PUM2: variants seen among roughly 807,000 people sequenced by gnomAD.
PUM2 encodes pumilio homolog 2.
Under a neutral mutation model 124.5 loss-of-function variants are expected in PUM2, and 57 were observed. That is an observed-to-expected ratio of 0.46 (90% CI 0.37 to 0.57). The LOEUF (loss-of-function observed/expected upper bound fraction) is 0.57, where lower values mean the gene tolerates loss of function less well. Ranked by LOEUF, PUM2 falls within the 20% of genes least tolerant of loss-of-function variation. PUM2 has a pLI of 0.00. For missense variants in PUM2, 1,065 were observed against 1,290.6 expected (o/e 0.83, Z 2.68); for synonymous variants, 460 against 446.1 (o/e 1.03, Z -0.39).
chr2:20,331,745 A>C (rs1317980460), intron 1 of PUM2: 3 of 152,196 alleles, frequency 2.0e-5, no homozygotes, highest in Non-Finnish European at 2.9e-5. Flanking sequence ...GGTTTTTATC[A>C]GTGGTCCAAA....
intron 1 of PUM2, among the ~76,000 whole-genome samples, chr2:20,335,170 C>T (rs1685738406): frequency 6.6e-6 from 1 of 152,230 alleles, no homozygotes; most frequent in South Asian, 2.1e-4. Flanking sequence ...AGCAGCCCTC[C>T]TGCCTCAGCC....
At position 20,348,166 on chromosome 2, in the gene PUM2, TTAA is replaced by T. The variant is rs563552054; in HGVS notation, c.-19+2428_-19+2430del. ...AGCAAGACCTCACCTATATTAAAAA[TTAA>T]TAATAATAATAATAATAATAAAGAA... On this transcript the variant is annotated intron_variant, in intron 1 of 20. Transcript: ENST00000361078. Among the ~76,000 whole-genome samples the T allele has an allele frequency of 1.0e-3, 151 of 150,102 alleles. No individual in the cohort carries two copies. In the South Asian group the frequency reaches 0.01, roughly 10 times the overall value.
intron 1 of PUM2, chr2:20,331,890 T>C (rs913223786): frequency 1.3e-5 from 2 of 152,234 alleles, no homozygotes; most frequent in Non-Finnish European, 2.9e-5. Flanking sequence ...GCAGGCCATA[T>C]GATCTCTGCT....
At chr2:20,325,448 CT>C (rs950378117) in intron 2 of PUM2, among the ~76,000 whole-genome samples, 1 of 152,138 alleles carries the variant, frequency 6.6e-6, no homozygotes, top group African/African-American at 2.4e-5. Context: ...TAACTAAACC[CT>C]TTCAACCACT....
intron 13 of PUM2, among the ~76,000 whole-genome samples, chr2:20,274,080 T>C (rs184129907): frequency 7.5e-4 from 115 of 152,318 alleles, no homozygotes; most frequent in African/African-American, 2.5e-3. Flanking sequence ...CTAGCCTTAA[T>C]TCTGTTATTC....
At chr2:20,266,089 A>G (rs1558502919) in intron 13 of PUM2, among the ~76,000 whole-genome samples, 1 of 152,170 alleles carries the variant, frequency 6.6e-6, no homozygotes, top group Admixed American at 6.5e-5. Flanking sequence ...ACTGCCTTGA[A>G]TTTTAAAAAA....
chr2:20,286,475 A>G (rs1372600443), intron 10 of PUM2, among the ~76,000 whole-genome samples: 1 of 152,208 alleles, frequency 6.6e-6, no homozygotes, highest in Admixed American at 6.5e-5. Flanking sequence ...ATTTACTAAC[A>G]TGAGATTGTT....
chr2:20,290,074 A>T (rs1194901228), intron 10 of PUM2, among the ~76,000 whole-genome samples: 2 of 152,230 alleles, frequency 1.3e-5, no homozygotes, highest in African/African-American at 4.8e-5. Context: ...ACAAAAAAGT[A>T]CTTTGTTGCC....
intron 15 of PUM2, among the ~76,000 whole-genome samples, chr2:20,259,616 T>C (rs1665682477): frequency 6.6e-6 from 1 of 152,230 alleles, no homozygotes; most frequent in Non-Finnish European, 1.5e-5. Flanking sequence ...CAGAACGTCA[T>C]TCCTTTTTAT....
At chr2:20,344,515 C>T (rs759561829) in intron 1 of PUM2, among the ~76,000 whole-genome samples, 1 of 152,158 alleles carries the variant, frequency 6.6e-6, no homozygotes, top group South Asian at 2.1e-4. Flanking sequence ...AGATAAAGGA[C>T]TTCAATCTGG....
At chr2:20,350,905 C>T (rs910523444), upstream of PUM2, 11 of 543,704 alleles carry the variant, frequency 2.0e-5, no homozygotes, top group Non-Finnish European at 2.6e-5. Flanking sequence ...GGAGCGCTCA[C>T]CAAGGCGCGG....
intron 2 of PUM2, among the ~76,000 whole-genome samples, chr2:20,321,755 T>C (rs1243243922): frequency 6.6e-6 from 1 of 152,090 alleles, no homozygotes; most frequent in East Asian, 1.9e-4. Context: ...AAAACAAAAT[T>C]AAGAAACCGT....
intron 7 of PUM2, among the ~76,000 whole-genome samples, chr2:20,298,643 T>C (rs935345950): frequency 6.6e-6 from 1 of 151,914 alleles, no homozygotes; most frequent in Non-Finnish European, 1.5e-5. Flanking sequence ...CCGAGGCAGG[T>C]GGAATACCTG....
chr2:20,323,010 GGAAGTAGTACTGTACA>G (rs1028852351), intron 2 of PUM2, among the ~76,000 whole-genome samples: 10 of 152,136 alleles, frequency 6.6e-5, no homozygotes, highest in Non-Finnish European at 1.5e-4. Context: ...ACTTCCAACA[GGAAGTAGTACTGTACA>G]GAAGTAGTAC....
chr2:20,323,908 CAAAAAAAAAAAAAAAAAA>C (rs397984008), intron 2 of PUM2, among the ~76,000 whole-genome samples: 1 of 58,426 alleles, frequency 1.7e-5, no homozygotes, highest in African/African-American at 6.0e-5. Flanking sequence ...TACGGACTAG[CAAAAAAAAAAAAAAAAAA>C]AAAAAAAAAA....
intron 1 of PUM2, among the ~76,000 whole-genome samples, chr2:20,334,412 G>A (rs746039114): frequency 2.0e-5 from 3 of 152,076 alleles, no homozygotes; most frequent in Non-Finnish European, 4.4e-5. Flanking sequence ...AAAGCATTTG[G>A]AGATACAATA....
intron 7 of PUM2, 144 bp downstream of exon 7, chr2:20,307,834 A>G: frequency 9.3e-7 from 1 of 1,077,296 alleles, no homozygotes; most frequent in Non-Finnish European, 1.2e-6. Context: ...CTAGTTAATA[A>G]ACACCTTTGT....
chr2:20,259,105 T>G (rs1026905605), intron 15 of PUM2, among the ~76,000 whole-genome samples: 1 of 152,230 alleles, frequency 6.6e-6, no homozygotes, highest in African/African-American at 2.4e-5. Flanking sequence ...ACACAGATGC[T>G]TATAAATTTA....
At chr2:20,341,172 C>A (rs1216458905) in intron 1 of PUM2, among the ~76,000 whole-genome samples, 1 of 152,040 alleles carries the variant, frequency 6.6e-6, no homozygotes, top group Non-Finnish European at 1.5e-5. Context: ...CTCTGCACAG[C>A]CCCCCTCTCC....
Sources: allele counts gnomAD v4.1 joint callset (sites outside exome capture counted in the v4.1 genomes callset), GRCh38; gene constraint gnomAD v4.1.1; transcripts MANE v1.5; gene names NCBI Gene and HGNC (gene_info 2026-07-23, HGNC 2026-07-21).